The following ARHGEF10 variants were observed in gnomAD, a reference collection of about 807,000 sequenced individuals.
ARHGEF10 encodes the protein Rho guanine nucleotide exchange factor 10.
ARHGEF10 carries 140 observed loss-of-function variants against 147.4 expected under a neutral mutation model. The observed-to-expected ratio is 0.95, with a 90% CI of 0.83 to 1.09. ARHGEF10 has a LOEUF of 1.09. Among genes scored for constraint, ARHGEF10 ranks in the 50% least tolerant of loss-of-function variants. The probability of loss-of-function intolerance (pLI) is 0.00; values close to 1 mark genes in which losing one functional copy is unlikely to be tolerated. For missense variants in ARHGEF10, 2,222 were observed against 1,752.7 expected, an observed-to-expected ratio of 1.27 and a Z score of -4.78; for synonymous variants, 902 against 695.8, an observed-to-expected ratio of 1.30 and a Z score of -4.67.
At chr8:1,916,581 G>A (rs1487501183) in intron 18 of ARHGEF10, among the ~76,000 whole-genome samples, 2 of 152,146 alleles carry the variant, frequency 1.3e-5, no homozygotes, top group African/African-American at 2.4e-5. Flanking sequence ...GCGCTGGGAG[G>A]AGCTGCCGTA....
intron 15 of ARHGEF10, among the ~76,000 whole-genome samples, chr8:1,900,399 G>A (rs1402983218): frequency 1.3e-5 from 2 of 152,206 alleles, no homozygotes; most frequent in Non-Finnish European, 2.9e-5. Context: ...TTACGCTCTA[G>A]GAAACTGAGG....
chr8:1,907,163 G>T (rs1810963435), intron 17 of ARHGEF10, among the ~76,000 whole-genome samples: 1 of 152,202 alleles, frequency 6.6e-6, no homozygotes, highest in Non-Finnish European at 1.5e-5. Flanking sequence ...TGCAGAGTAA[G>T]GTGTCTCCAC....
At chr8:1,924,240 G>C (rs1182962569) in intron 21 of ARHGEF10, among the ~76,000 whole-genome samples, 1 of 152,106 alleles carries the variant, frequency 6.6e-6, no homozygotes, top group Non-Finnish European at 1.5e-5. Context: ...GTTCCTCTTG[G>C]CCCTTCTGCT....
intron 18 of ARHGEF10, among the ~76,000 whole-genome samples, chr8:1,916,793 G>T (rs1162636015): frequency 6.6e-6 from 1 of 152,140 alleles, no homozygotes; most frequent in Non-Finnish European, 1.5e-5. Context: ...ATTAATTCTT[G>T]TTCTCTGTTG....
Position 1,864,450 on chromosome 8 carries a change from T to C in ARHGEF10, c.545+14T>C. On this transcript the variant is annotated intron_variant, in intron 5 of 28. Transcript: ENST00000349830. ...GCCTCCAACCAGGTATCTGCATCCGTCTTCCCACACCTGCTGAATTCCCGC... is the reference window on the plus strand; with the variant it reads ...GCCTCCAACCAGGTATCTGCATCCGCCTTCCCACACCTGCTGAATTCCCGC... 1 of 1,612,364 alleles carries C rather than the reference T, an allele frequency of 6.2e-7. No homozygotes were observed. Among genetic ancestry groups the C allele is most frequent in the Non-Finnish European group, 8.5e-7 (1 of 1,178,378 alleles).
At chr8:1,874,739 T>C (rs1190227822) in intron 7 of ARHGEF10, among the ~76,000 whole-genome samples, 7 of 147,640 alleles carry the variant, frequency 4.7e-5, no homozygotes, top group African/African-American at 1.5e-4. Context: ...GCAGTGGAGG[T>C]TCTAAGACAG....
rs1485469319 is a variant in ARHGEF10 at position 1,898,337 on chromosome 8, TC to T, written c.1558-93del. On this transcript the variant is annotated intron_variant, in intron 14 of 28. Coordinates refer to ENST00000349830, the MANE Select transcript of ARHGEF10 (RefSeq NM_014629.4). ...AAGACAAGGTGCAGGCTTTTGACTT[TC>T]CCGAGTGTTCAGTGTGGTGGGGAGG... The T allele has an allele frequency of 6.5e-6, 7 of 1,076,486 alleles. No homozygotes were observed. In the African/African-American group the frequency reaches 1.1e-4, roughly 17 times the overall value. The allele number at this position is 1,076,486 out of a possible 1,614,324, so 66.7% of individuals were successfully genotyped here.
At chr8:1,840,163 GTGCAAGCTGTCCGATA>G (rs1803905301) in intron 1 of ARHGEF10, among the ~76,000 whole-genome samples, 3 of 136,956 alleles carry the variant, frequency 2.2e-5, no homozygotes, top group East Asian at 2.3e-4. Context: ...ACTGTCCGGT[GTGCAAGCTGTCCGATA>G]TGGGGACTGT....
intron 27 of ARHGEF10, among the ~76,000 whole-genome samples, chr8:1,950,961 C>T (rs1346005526): frequency 2.6e-5 from 4 of 152,238 alleles, no homozygotes; most frequent in South Asian, 4.1e-4. Flanking sequence ...GTCACGCAGC[C>T]GCAGCCTTGC....
intron 7 of ARHGEF10, chr8:1,871,143 C>G (rs1353122232): frequency 7.2e-6 from 1 of 138,806 alleles, no homozygotes; most frequent in Non-Finnish European, 1.6e-5. Flanking sequence ...AATCAGTAAA[C>G]CATAAAAGAT....
chr8:1,830,524 C>G (rs1032031521), intron 1 of ARHGEF10, among the ~76,000 whole-genome samples: 6 of 152,180 alleles, frequency 3.9e-5, no homozygotes, highest in African/African-American at 1.4e-4. Flanking sequence ...TGAAGAAAAT[C>G]TACCTGTGGC....
intron 1 of ARHGEF10, among the ~76,000 whole-genome samples, chr8:1,837,267 G>C (rs1299977308): frequency 6.9e-6 from 1 of 145,604 alleles, no homozygotes; most frequent in Non-Finnish European, 1.5e-5. Context: ...AGGACGGTCG[G>C]GGGCATGCTC....
At position 1,833,795 on chromosome 8, in the gene ARHGEF10, C is replaced by T. The variant is rs578210806; in HGVS notation, c.-47-9558C>T. Among the ~76,000 whole-genome samples, 7 of 152,348 alleles carry T rather than the reference C, an allele frequency of 4.6e-5. No individual in the cohort carries two copies. The South Asian group carries it at 1.2e-3, about 27-fold the overall frequency. On this transcript the variant is annotated intron_variant, in intron 1 of 28. Transcript: ENST00000349830. ...TTAGGAAGCCCTCCTGGCCGCTGAC[C>T]CCCATCCCCAGCTCCCTGTGCTGCT...
chr8:1,864,484 T>C (rs1426267106), intron 5 of ARHGEF10, 48 bp downstream of exon 5: 2 of 1,580,138 alleles, frequency 1.3e-6, no homozygotes, highest in Non-Finnish European at 1.7e-6. Flanking sequence ...GCCTTTCTCC[T>C]GAGGAGCTGG....
rs746802120 is a variant in ARHGEF10, at chr8:1,923,457, T to A, written c.2260-11T>A. The A allele has an allele frequency of 1.9e-6, 3 of 1,614,062 alleles. No homozygotes were observed. Among genetic ancestry groups the A allele is most frequent in the African/African-American group, 2.7e-5 (2 of 74,942 alleles). ...ACACTTTTGAAATGTGCGTATTTAT[T>A]TCCTTTGTAGAACTTAAACCAGTCA... On this transcript the variant is annotated splice_polypyrimidine_tract_variant and intron_variant, in intron 19 of 28. Transcript: ENST00000349830.
chr8:1,894,505 T>A lies in ARHGEF10; in HGVS notation c.1373T>A (p.Ile458Asn). ...CTGCAGTGCCACTCGCTATTTCAGATCGCGCTGGCCAGCCGCGTTTCCGAG... is the reference window on the plus strand; with the variant it reads ...CTGCAGTGCCACTCGCTATTTCAGAACGCGCTGGCCAGCCGCGTTTCCGAG... Reference protein sequence around the residue: ...EILQCHSLFQIALASRVSEWD... With the variant: ...EILQCHSLFQNALASRVSEWD... The change falls in exon 13 of 29, where the codon ATC becomes AAC. Residue 458 changes from isoleucine to asparagine, a missense_variant. Transcript: ENST00000349830. The A allele has an allele frequency of 6.2e-7, 1 of 1,614,198 alleles. No individual in the cohort carries two copies. Among genetic ancestry groups the A allele is most frequent in the Non-Finnish European group, 8.5e-7 (1 of 1,180,038 alleles).
intron 18 of ARHGEF10, among the ~76,000 whole-genome samples, chr8:1,910,002 A>G (rs1811241218): frequency 6.6e-6 from 1 of 152,188 alleles, no homozygotes; most frequent in Non-Finnish European, 1.5e-5. Flanking sequence ...ATGTCTTAGC[A>G]TTGCACATGA....
In ARHGEF10 at chr8:1,932,478, CAT is replaced by C. The variant is rs532790245; in HGVS notation, c.3080-1321_3080-1320del. Among the ~76,000 whole-genome samples, 47 of 151,404 alleles carry C rather than the reference CAT, an allele frequency of 3.1e-4. 1 individual carries two copies. The highest frequency in any genetic ancestry group is 1.1e-3 in the African/African-American group (44 of 41,396). On this transcript the variant is annotated intron_variant, in intron 25 of 28. Coordinates refer to ENST00000349830, the MANE Select transcript of ARHGEF10 (RefSeq NM_014629.4). ...TGCCTGCATGTGTGTATGTGTGTGA[CAT>C]GTGCACGTGTGTGTGTGCATATGGC...
chr8:1,831,776 C>T (rs1200539420), intron 1 of ARHGEF10, among the ~76,000 whole-genome samples: 5 of 152,236 alleles, frequency 3.3e-5, no homozygotes, highest in African/African-American at 1.2e-4. Context: ...GCACAGGGTG[C>T]TCCTGATGGA....
Sources: gnomAD v4.1 joint callset for allele counts (sites outside exome capture counted in the v4.1 genomes callset) on GRCh38, gnomAD v4.1.1 for gene constraint, MANE v1.5 for transcripts, NCBI Gene and HGNC (gene_info 2026-07-23, HGNC 2026-07-21) for gene names.